The following BTBD8 variants were observed in gnomAD, a reference collection of about 807,000 sequenced individuals.
The protein encoded by BTBD8 is BTB/POZ domain-containing protein 8.
BTBD8 carries 110 observed loss-of-function variants against 162.9 expected under a neutral mutation model. The ratio of observed to expected loss-of-function variants is 0.68; its 90% CI spans 0.58 to 0.79. BTBD8 has a LOEUF of 0.79. Ranked by LOEUF, BTBD8 falls within the 30% of genes least tolerant of loss-of-function variation. The probability of loss-of-function intolerance (pLI) is 0.00; values close to 1 mark genes in which losing one functional copy is unlikely to be tolerated. For missense variants in BTBD8, 1,905 were observed against 2,085.4 expected, an observed-to-expected ratio of 0.91 and a Z score of 1.68; for synonymous variants, 667 against 716.1, an observed-to-expected ratio of 0.93 and a Z score of 1.10.
chr1:92,115,350 G>T, intron 4 of BTBD8: 2 of 457,472 alleles, frequency 4.4e-6, no homozygotes, highest in East Asian at 5.3e-5. Flanking sequence ...GCAGTTGGTG[G>T]TACAGGAGAC....
chr1:92,180,344 C>A lies in BTBD8; in HGVS notation c.2661C>A (p.Asp887Glu). 4 of 1,551,372 alleles carry A rather than the reference C, an allele frequency of 2.6e-6. No homozygotes were observed. Among genetic ancestry groups the A allele is most frequent in the Non-Finnish European group, 2.6e-6 (3 of 1,146,798 alleles). ...CTGATGAAAATGTGGCAAAGTTGGA[C>A]CACAATACAACTACAGAGAAACAAG... ...RQSDENVAKLDHNTTTEKQAP... is the reference protein window; with the variant it reads ...RQSDENVAKLEHNTTTEKQAP... The change falls in exon 17 of 18, where the codon GAC (aspartate) becomes GAA (glutamate). Residue 887 changes from aspartate to glutamate, a missense_variant. Physicochemically the swap from Asp to Glu is conservative, Grantham distance 45. Transcript: ENST00000636805.
At chr1:92,094,716 A>T (rs376637431) in intron 2 of BTBD8, among the ~76,000 whole-genome samples, 3 of 152,164 alleles carry the variant, frequency 2.0e-5, no homozygotes, top group Admixed American at 6.5e-5. Flanking sequence ...TCAATTCAGG[A>T]TCATAAAAAT....
At chr1:92,174,473 A>T (rs920054427) in intron 13 of BTBD8, among the ~76,000 whole-genome samples, 2 of 152,200 alleles carry the variant, frequency 1.3e-5, no homozygotes, top group African/African-American at 4.8e-5. Flanking sequence ...GCATACAGCT[A>T]TACCATATAC....
chr1:92,106,729 C>G (rs1321900657), intron 3 of BTBD8, among the ~76,000 whole-genome samples: 4 of 121,160 alleles, frequency 3.3e-5, no homozygotes, highest in Non-Finnish European at 5.1e-5. Context: ...CCAAACTGAT[C>G]AAAATTAATC....
intron 17 of BTBD8, among the ~76,000 whole-genome samples, chr1:92,183,371 G>A (rs1048523465): frequency 3.3e-5 from 5 of 152,084 alleles, no homozygotes; most frequent in Non-Finnish European, 5.9e-5. Flanking sequence ...GAAGAATAAG[G>A]AGGTCTTTAA....
At chr1:92,171,593 T>C (rs1650548382) in intron 13 of BTBD8, 133 bp downstream of exon 13, 1 of 581,702 alleles carries the variant, frequency 1.7e-6, no homozygotes, top group South Asian at 3.7e-5. Flanking sequence ...AAAATTTTTC[T>C]TTTTCTAAAT....
intron 2 of BTBD8, among the ~76,000 whole-genome samples, chr1:92,089,813 C>T (rs1648251995): frequency 6.6e-6 from 1 of 152,146 alleles, no homozygotes; most frequent in Admixed American, 6.5e-5. Flanking sequence ...TGGGGGGACA[C>T]AAACATTCAG....
At chr1:92,091,604 G>A (rs112178349) in intron 2 of BTBD8, among the ~76,000 whole-genome samples, 9,510 of 151,570 alleles carry the variant, frequency 0.063, 914 homozygotes, top group African/African-American at 0.21. Flanking sequence ...GCGCAATCTC[G>A]GCTCACTGCA....
chr1:92,102,499 T>C lies in BTBD8; in HGVS notation c.374T>C (p.Ile125Thr). ...ATTATATATTCATCAAACAGAAACA[T>C]AAAAAACTATGAAGAGGAAATTCTT... ...LQIIYSSNRNIKNYEEEILRK... is the reference protein window; with the variant it reads ...LQIIYSSNRNTKNYEEEILRK... The change falls in exon 3 of 18, where the codon ATA becomes ACA. Residue 125 changes from isoleucine to threonine, a missense_variant. Transcript: ENST00000636805. 6.5e-7 allele frequency: 1 copy of C among 1,542,458 alleles called. No individual in the cohort carries two copies. The highest frequency in any genetic ancestry group is 8.7e-7 in the Non-Finnish European group (1 of 1,147,202).
At chr1:92,085,359 A>G (rs904716631) in intron 1 of BTBD8, among the ~76,000 whole-genome samples, 3 of 152,250 alleles carry the variant, frequency 2.0e-5, no homozygotes, top group Admixed American at 2.0e-4. Context: ...TGGGAGGCCA[A>G]GGCGAGCAGA....
chr1:92,184,679 G>A lies in BTBD8; in HGVS notation c.*349G>A, dbSNP rs1047068020. 6.7e-5 allele frequency: 11 copies of A among 163,778 alleles called. No individual in the cohort carries two copies. Among genetic ancestry groups the A allele is most frequent in the African/African-American group, 2.4e-4 (10 of 41,762 alleles). 10.1% of individuals were successfully genotyped at this position (163,778 alleles called of 1,614,324 possible). On this transcript the variant is annotated 3_prime_UTR_variant, in exon 18 of 18. Transcript: ENST00000636805. ...CCCTTTACTTTTTGCTCTGCATAGG[G>A]TAACATAGTAATTTAACAATAAAAA...
At chr1:92,113,788 G>A (rs928470501) in intron 4 of BTBD8, among the ~76,000 whole-genome samples, 3 of 151,958 alleles carry the variant, frequency 2.0e-5, no homozygotes, top group South Asian at 2.1e-4. Flanking sequence ...CGAGGCGGGC[G>A]GATCATGAGG....
intron 13 of BTBD8, among the ~76,000 whole-genome samples, chr1:92,174,902 G>T (rs995836089): frequency 2.0e-5 from 3 of 151,896 alleles, no homozygotes; most frequent in Non-Finnish European, 4.4e-5. Context: ...ATTTTTTTGT[G>T]TGCACCCACA....
Position 92,102,607 on chromosome 1 carries a change from C to T in BTBD8, c.482C>T (p.Ser161Phe), listed in dbSNP as rs1648617875. 8.8e-6 allele frequency: 14 copies of T among 1,590,686 alleles called. No individual in the cohort carries two copies. Among genetic ancestry groups the T allele is most frequent in the Non-Finnish European group, 1.2e-5 (14 of 1,169,288 alleles). ...FPKCENSSDC[S>F]LQKHEIPEDI... The stretch of plus-strand genomic sequence containing the variant: ...AAGTGTGAAAACTCATCTGATTGTT[C>T]TCTTCAGAAGCATGAAATTCCAGAG... Residue 161 changes from serine (S) to phenylalanine (F), a missense_variant, in exon 3 of 18, where the codon TCT (serine) becomes TTT (phenylalanine). By Grantham distance (155) the Ser-to-Phe change is radical. Coordinates refer to ENST00000636805, the MANE Select transcript of BTBD8 (RefSeq NM_001376131.1).
chr1:92,110,984 C>T (rs1648876077), intron 4 of BTBD8, among the ~76,000 whole-genome samples: 1 of 151,304 alleles, frequency 6.6e-6, no homozygotes, highest in African/African-American at 2.4e-5. Flanking sequence ...AAAAGCAGAG[C>T]AGTCATTCCT....
In BTBD8 at chr1:92,184,330, A is replaced by C; in HGVS notation, c.5379A>C (p.Ter1793TyrextTer15). The stretch of plus-strand genomic sequence containing the variant: ...TTCTGGAACTGGAAACTCAGCATTA[A>C]GTGTTAACATTTTGGAAAAATTTAT... Reference protein sequence around the residue: ...WTILELETQH* With the variant: ...WTILELETQHY Residue 1793 changes from the stop codon to tyrosine (Y), a stop_lost, in exon 18 of 18, where the codon TAA becomes TAC. Transcript: ENST00000636805. 1.3e-6 allele frequency: 2 copies of C among 1,533,328 alleles called. No homozygotes were observed. The highest frequency in any genetic ancestry group is 2.1e-5 in the Admixed American group (1 of 47,364). The allele number at this position is 1,533,328 out of a possible 1,614,324, so 95.0% of individuals were successfully genotyped here.
chr1:92,130,228 G>A (rs923095465), intron 5 of BTBD8, among the ~76,000 whole-genome samples: 3 of 152,078 alleles, frequency 2.0e-5, no homozygotes, highest in Non-Finnish European at 2.9e-5. Flanking sequence ...GGACCCATGT[G>A]ACCTCATTTA....
chr1:92,122,584 G>C (rs764768273), intron 4 of BTBD8, among the ~76,000 whole-genome samples: 7 of 148,602 alleles, frequency 4.7e-5, no homozygotes, highest in Non-Finnish European at 1.0e-4. Flanking sequence ...TCTTTTTTTA[G>C]ACAGAGTCTC....
chr1:92,121,666 T>C (rs2101920825), intron 4 of BTBD8, among the ~76,000 whole-genome samples: 1 of 152,236 alleles, frequency 6.6e-6, no homozygotes, highest in Non-Finnish European at 1.5e-5. Flanking sequence ...TAACTTCCAC[T>C]GTAAGCAAAA....
Sources: allele counts gnomAD v4.1 joint callset (sites outside exome capture counted in the v4.1 genomes callset), GRCh38; gene constraint gnomAD v4.1.1; transcripts MANE v1.5; gene names NCBI Gene and HGNC (gene_info 2026-07-23, HGNC 2026-07-21).